LRP5: variants seen among roughly 807,000 people sequenced by gnomAD.
LRP5 encodes the protein LDL receptor related protein 5.
Under a neutral mutation model 154.1 loss-of-function variants are expected in LRP5, and 62 were observed. The ratio of observed to expected loss-of-function variants is 0.40; its 90% confidence interval spans 0.33 to 0.50. The LOEUF (loss-of-function observed/expected upper bound fraction) is 0.50, where lower values mean the gene tolerates loss of function less well. LRP5 is among the 20% of genes least tolerant of loss of function. The pLI, the probability that LRP5 is intolerant of heterozygous loss-of-function variation, is 0.55. For synonymous variants in LRP5, 966 were observed against 1,011.5 expected (o/e 0.96, Z 0.85); for missense variants, 1,915 against 2,336.7 (o/e 0.82, Z 3.72).
At position 68,386,868 on chromosome 11, in the gene LRP5, C is replaced by T. The variant is rs1468557599; in HGVS notation, c.1412+156C>T. Among the ~76,000 whole-genome samples, 1 of 152,184 alleles carries T rather than the reference C, an allele frequency of 6.6e-6. No homozygotes were observed. Among genetic ancestry groups the T allele is most frequent in the Non-Finnish European group, 1.5e-5 (1 of 68,026 alleles). Reference sequence around the variant, plus strand: ...CGGCAGCTGGGCCCCACCCCCAGAGCGGTGATTCAGGAGCTCCAGGGCGGG... The same window carrying T: ...CGGCAGCTGGGCCCCACCCCCAGAGTGGTGATTCAGGAGCTCCAGGGCGGG... On this transcript the variant is annotated intron_variant, in intron 6 of 22. Coordinates refer to ENST00000294304, the MANE Select transcript of LRP5 (RefSeq NM_002335.4). The surrounding 1 kb of genome is among the most constrained non-coding windows in gnomAD (Gnocchi z 7.9).
At chr11:68,306,411 C>T in the LRP5 span, among the ~76,000 whole-genome samples, 1 of 152,224 alleles carries the variant, frequency 6.6e-6, no homozygotes, top group African/African-American at 2.4e-5. Flanking sequence ...GCTGGGATTA[C>T]AGGCTTGAGC....
intron 7 of LRP5, among the ~76,000 whole-genome samples, chr11:68,398,012 G>T (rs2098650493): frequency 6.6e-6 from 1 of 151,098 alleles, no homozygotes; most frequent in African/African-American, 2.4e-5. Flanking sequence ...GTGTGTGTTT[G>T]CGTGCGCGCA....
At chr11:68,351,679 C>T (rs1277069999) in intron 2 of LRP5, among the ~76,000 whole-genome samples, 1 of 152,210 alleles carries the variant, frequency 6.6e-6, no homozygotes, top group East Asian at 1.9e-4. Context: ...TGGTCCTGCT[C>T]CCCACGCAGC....
chr11:68,313,279 G>A (rs1351449763), intron 1 of LRP5, among the ~76,000 whole-genome samples: 1 of 151,836 alleles, frequency 6.6e-6, no homozygotes, highest in Admixed American at 6.5e-5. Context: ...AGAAAGTTCT[G>A]AGCCCGGGCG....
intron 3 of LRP5, among the ~76,000 whole-genome samples, chr11:68,362,961 G>A (rs1310996220): frequency 6.6e-6 from 1 of 151,772 alleles, no homozygotes; most frequent in South Asian, 2.1e-4. Flanking sequence ...GCACATTACC[G>A]ACCACGTCAC....
In LRP5 at chr11:68,386,082, T is replaced by C. The variant is rs950717246; in HGVS notation, c.1016-234T>C. Among the ~76,000 whole-genome samples the C allele has an allele frequency of 2.6e-5, 4 of 152,086 alleles. No individual in the cohort carries two copies. On this transcript the variant is annotated intron_variant, in intron 5 of 22. Coordinates refer to ENST00000294304, the MANE Select transcript of LRP5 (RefSeq NM_002335.4). This position sits in a 1 kb window ranked among gnomAD's most constrained non-coding sequence, Gnocchi z 7.9. ...CGTGCATAACCTCTCAGTGCTTCAG[T>C]TCTCTCATTTGTAAAATGAGGAAAC... is the stretch of plus-strand genomic sequence containing the variant.
At chr11:68,351,971 G>C (rs1591211038) in intron 2 of LRP5, among the ~76,000 whole-genome samples, 1 of 152,168 alleles carries the variant, frequency 6.6e-6, no homozygotes, top group Non-Finnish European at 1.5e-5. Flanking sequence ...GGGCCTGTTT[G>C]AGGGGCTGTA....
At chr11:68,416,258 G>A in intron 12 of LRP5, 70 bp from the exon 13 acceptor site, 2 of 1,368,288 alleles carry the variant, frequency 1.5e-6, no homozygotes, top group East Asian at 4.6e-5. Flanking sequence ...CGAGTGGCGT[G>A]CTATCCCGTC....
At chr11:68,442,076 A>G (rs1001977603) in intron 21 of LRP5, among the ~76,000 whole-genome samples, 4 of 152,212 alleles carry the variant, frequency 2.6e-5, no homozygotes, top group African/African-American at 9.6e-5. Flanking sequence ...ATCTGTACAT[A>G]TGCAAGCATA....
At chr11:68,409,069 A>ATATAT (rs1420282770) in intron 9 of LRP5, among the ~76,000 whole-genome samples, 144 of 51,020 alleles carry the variant, frequency 2.8e-3, no homozygotes, top group Non-Finnish European at 4.2e-3. Context: ...AAAAAAAAAA[A>ATATAT]AAAAATATAT....
chr11:68,309,865 G>T (rs2098586730), upstream of LRP5, among the ~76,000 whole-genome samples: 1 of 152,168 alleles, frequency 6.6e-6, no homozygotes, highest in Admixed American at 6.5e-5. Flanking sequence ...CCCCACAGGG[G>T]CCTCTTTCCT....
In LRP5 at chr11:68,433,748, C is replaced by T. The variant is rs745787785; in HGVS notation, c.3910C>T (p.Pro1304Ser). 3.1e-6 allele frequency: 5 copies of T among 1,612,742 alleles called. No individual in the cohort carries two copies. Among genetic ancestry groups the T allele is most frequent in the Non-Finnish European group, 4.2e-6 (5 of 1,179,848 alleles). Residue 1304 changes from proline (P) to serine (S), a missense_variant, in exon 18 of 23, where the codon CCC (proline) becomes TCC (serine). This residue lies in a region of LRP5 where 1,094 missense variants were observed against 1,210.1 expected (regional missense o/e 0.90). Transcript: ENST00000294304. ...GCPVCSAAQFPCARGQCVDLR... is the reference protein window; with the variant it reads ...GCPVCSAAQFSCARGQCVDLR... ...CCCCGTGTGCTCCGCCGCCCAGTTCCCCTGCGCGCGGGGTCAGTGTGTGGA... is the reference window on the plus strand; with the variant it reads ...CCCCGTGTGCTCCGCCGCCCAGTTCTCCTGCGCGCGGGGTCAGTGTGTGGA...
chr11:68,440,585 C>T (rs1407190642), intron 21 of LRP5, among the ~76,000 whole-genome samples: 9 of 152,106 alleles, frequency 5.9e-5, no homozygotes, highest in Non-Finnish European at 1.5e-5. Flanking sequence ...GTGTAAACAG[C>T]GGGGGCTGAC....
intron 8 of LRP5, among the ~76,000 whole-genome samples, chr11:68,405,007 AAATT>A: frequency 6.6e-6 from 1 of 151,912 alleles, no homozygotes; most frequent in East Asian, 1.9e-4. Flanking sequence ...AAAAAAAAAA[AAATT>A]AGTCTGGGTG....
chr11:68,404,947 G>A (rs569881221), intron 8 of LRP5, among the ~76,000 whole-genome samples: 12 of 149,296 alleles, frequency 8.0e-5, no homozygotes, highest in Admixed American at 4.7e-4. Context: ...TCCGCAGTCC[G>A]GCCTGGGCGA....
chr11:68,302,027 T>A, the LRP5 span, among the ~76,000 whole-genome samples: 1 of 151,796 alleles, frequency 6.6e-6, no homozygotes, highest in Non-Finnish European at 1.5e-5. Context: ...TCTACCTTTT[T>A]GTAAATGGCA....
chr11:68,359,094 C>T (rs1231573194), intron 3 of LRP5, among the ~76,000 whole-genome samples: 3 of 152,192 alleles, frequency 2.0e-5, no homozygotes, highest in East Asian at 1.9e-4. Context: ...CAAAACAGCC[C>T]ACAACTTAAC....
chr11:68,404,298 G>A (rs564570028), intron 8 of LRP5: 139 of 530,980 alleles, frequency 2.6e-4, no homozygotes, highest in African/African-American at 2.1e-3. Flanking sequence ...CAGGGACTCT[G>A]TGTCCTGCCG....
In LRP5 at chr11:68,447,845, C is replaced by G. The variant is rs1477650621; in HGVS notation, c.4587-964C>G. Among the ~76,000 whole-genome samples the G allele has an allele frequency of 6.6e-6, 1 of 152,164 alleles. No individual in the cohort carries two copies. The highest frequency in any genetic ancestry group is 1.5e-5 in the Non-Finnish European group (1 of 68,022). On this transcript the variant is annotated intron_variant, in intron 22 of 22. Transcript: ENST00000294304. This position sits in a 1 kb window ranked among gnomAD's most constrained non-coding sequence, Gnocchi z 4.3. ...ACTCACACAGTGGGATGCGGCGTTT[C>G]TGGGCCACAGTTGGGTGCAGGTAGC...
Sources: gnomAD v4.1 joint callset for allele counts (sites outside exome capture counted in the v4.1 genomes callset) on GRCh38, gnomAD v4.1.1 for gene constraint, gnomAD v4.1.1 regional missense constraint, Gnocchi (gnomAD v3.1) non-coding constraint, MANE v1.5 for transcripts, NCBI Gene and HGNC (gene_info 2026-07-23, HGNC 2026-07-21) for gene names.